Variants in CELF4 observed in about 807,000 individuals in gnomAD.
CELF4 encodes CUGBP Elav-like family member 4.
A neutral mutation model predicts 59.9 loss-of-function variants in CELF4; 18 were observed. The ratio of observed to expected loss-of-function variants is 0.30; its 90% CI spans 0.21 to 0.45. The LOEUF (loss-of-function observed/expected upper bound fraction) is 0.45. Ranked by LOEUF, CELF4 falls within the 20% of genes least tolerant of loss-of-function variation. The probability of loss-of-function intolerance (pLI) is 1.00; values close to 1 mark genes in which losing one functional copy is unlikely to be tolerated. For synonymous variants in CELF4, 261 were observed against 267.1 expected, an observed-to-expected ratio of 0.98 and a Z score of 0.22; for missense variants, 456 against 689.0, an observed-to-expected ratio of 0.66 and a Z score of 3.79.
chr18:37,511,958 A>T (rs2099944859), intron 1 of CELF4, among the ~76,000 whole-genome samples: 2 of 151,804 alleles, frequency 1.3e-5, no homozygotes, highest in African/African-American at 2.4e-5. Context: ...GGGATAGAGG[A>T]GGGGGCAGCC....
intron 1 of CELF4, among the ~76,000 whole-genome samples, chr18:37,561,625 G>T (rs1341088001): frequency 2.0e-5 from 3 of 152,086 alleles, no homozygotes; most frequent in African/African-American, 7.2e-5. Flanking sequence ...AACAAGCATG[G>T]GTATGTGTAC....
intron 3 of CELF4, among the ~76,000 whole-genome samples, chr18:37,300,624 GC>G (rs2154449016): frequency 6.6e-6 from 1 of 152,352 alleles, no homozygotes; most frequent in African/African-American, 2.4e-5. Flanking sequence ...TGTGCAAATT[GC>G]CAAGATACAG....
At chr18:37,462,434 C>T (rs1386673337) in intron 2 of CELF4, among the ~76,000 whole-genome samples, 2 of 152,166 alleles carry the variant, frequency 1.3e-5, no homozygotes, top group Admixed American at 6.5e-5. Context: ...GTCCACAGGC[C>T]CTGCAGGCAT....
chr18:37,296,240 C>T (rs145515513), intron 3 of CELF4, among the ~76,000 whole-genome samples: 2 of 152,366 alleles, frequency 1.3e-5, no homozygotes, highest in African/African-American at 4.8e-5. Flanking sequence ...ACTGCAGCCT[C>T]TGCCTTCCAG....
At chr18:37,408,388 C>G (rs573547709) in intron 2 of CELF4, among the ~76,000 whole-genome samples, 1 of 151,920 alleles carries the variant, frequency 6.6e-6, no homozygotes, top group African/African-American at 2.4e-5. Flanking sequence ...ACCAAGCACC[C>G]AACTTTCCAG....
chr18:37,298,689 C>T (rs904463798), intron 3 of CELF4, among the ~76,000 whole-genome samples: 1 of 149,890 alleles, frequency 6.7e-6, no homozygotes, highest in African/African-American at 2.5e-5. Context: ...TGCGCCATTG[C>T]ACTCCAGCCT....
In CELF4 at chr18:37,253,470, A is replaced by G. The variant is rs568137793; in HGVS notation, c.*44+297T>C. ...TGTTCACCCCAGGGTTCTCTGGCCAACAGGACTGCCAATGTAGACCCGGAG... is the reference window on the plus strand; with the variant it reads ...TGTTCACCCCAGGGTTCTCTGGCCAGCAGGACTGCCAATGTAGACCCGGAG... On this transcript the variant is annotated intron_variant, in intron 12 of 12. Transcript: ENST00000420428. This position sits in a 1 kb window ranked among gnomAD's most constrained non-coding sequence, Gnocchi z 4.5. Among the ~76,000 whole-genome samples the G allele has an allele frequency of 2.0e-5, 3 of 152,256 alleles. No homozygotes were observed. In the East Asian group the frequency reaches 5.8e-4, roughly 30 times the overall value.
intron 8 of CELF4, among the ~76,000 whole-genome samples, chr18:37,269,748 G>A (rs138825738): frequency 5.9e-5 from 9 of 152,298 alleles, no homozygotes; most frequent in African/African-American, 1.2e-4. Flanking sequence ...TCCATTCATT[G>A]GGATCTTTAG....
intron 2 of CELF4, among the ~76,000 whole-genome samples, chr18:37,413,582 G>A (rs2099494910): frequency 6.6e-6 from 1 of 152,182 alleles, no homozygotes; most frequent in Admixed American, 6.5e-5. Flanking sequence ...TTCCTCTTTA[G>A]TCTGGTCTCC....
intron 1 of CELF4, among the ~76,000 whole-genome samples, chr18:37,499,216 G>T (rs1013188234): frequency 1.3e-5 from 2 of 152,180 alleles, no homozygotes; most frequent in Non-Finnish European, 2.9e-5. Context: ...GGTGTGTTTT[G>T]TTTCCCTTGT....
At chr18:37,310,239 T>G (rs1040082292) in intron 3 of CELF4, among the ~76,000 whole-genome samples, 1 of 152,138 alleles carries the variant, frequency 6.6e-6, no homozygotes, top group Non-Finnish European at 1.5e-5. Flanking sequence ...GAGAAGGGGA[T>G]GGAACTGGGA....
intron 1 of CELF4, among the ~76,000 whole-genome samples, chr18:37,495,598 C>T (rs1428046741): frequency 6.6e-6 from 1 of 152,138 alleles, no homozygotes; most frequent in Non-Finnish European, 1.5e-5. Context: ...GCACAGCGAG[C>T]TCAGCAAATA....
chr18:37,511,203 TACTC>T (rs2154604293), intron 1 of CELF4, among the ~76,000 whole-genome samples: 1 of 152,302 alleles, frequency 6.6e-6, no homozygotes, highest in East Asian at 1.9e-4. Flanking sequence ...TGTCCTTAGT[TACTC>T]ACTCACCCAT....
At chr18:37,463,209 C>T (rs1487016672) in intron 2 of CELF4, among the ~76,000 whole-genome samples, 1 of 152,146 alleles carries the variant, frequency 6.6e-6, no homozygotes, top group Non-Finnish European at 1.5e-5. Context: ...GAGCATTAAC[C>T]CAAGTGAGGG....
chr18:37,361,303 C>A (rs927586031), intron 2 of CELF4, among the ~76,000 whole-genome samples: 1 of 152,114 alleles, frequency 6.6e-6, no homozygotes, highest in African/African-American at 2.4e-5. Flanking sequence ...ATTAAAGTCG[C>A]TAAATGGGGT....
At chr18:37,297,844 T>C (rs1269446486) in intron 3 of CELF4, among the ~76,000 whole-genome samples, 1 of 152,234 alleles carries the variant, frequency 6.6e-6, no homozygotes, top group Non-Finnish European at 1.5e-5. Flanking sequence ...GTGAGATTCA[T>C]CGGTGGGGCC....
intron 1 of CELF4, among the ~76,000 whole-genome samples, chr18:37,489,629 C>T (rs1032406319): frequency 1.3e-5 from 2 of 152,156 alleles, no homozygotes; most frequent in African/African-American, 4.8e-5. Context: ...GGAGCATCAG[C>T]CTCAGCCCAG....
chr18:37,478,932 C>T (rs937294850), intron 2 of CELF4, among the ~76,000 whole-genome samples: 1 of 152,176 alleles, frequency 6.6e-6, no homozygotes, highest in African/African-American at 2.4e-5. Flanking sequence ...GATGGGGGCT[C>T]TTCTGAAGGT....
intron 10 of CELF4, among the ~76,000 whole-genome samples, chr18:37,260,845 G>A (rs1221960861): frequency 2.6e-5 from 4 of 151,232 alleles, no homozygotes; most frequent in Non-Finnish European, 4.4e-5. Flanking sequence ...CCAGCCCTTC[G>A]GCCTCCCCTC....
Sources: gnomAD v4.1 joint callset for allele counts (sites outside exome capture counted in the v4.1 genomes callset) on GRCh38, gnomAD v4.1.1 for gene constraint, Gnocchi (gnomAD v3.1) non-coding constraint, MANE v1.5 for transcripts, NCBI Gene and HGNC (gene_info 2026-07-23, HGNC 2026-07-21) for gene names.